ZC3H12C: variants seen among roughly 807,000 people sequenced by gnomAD.
ZC3H12C encodes probable ribonuclease ZC3H12C.
In ZC3H12C, 20 loss-of-function variants were observed where a neutral mutation model predicts 76.3. The observed-to-expected ratio is 0.26, with a 90% CI of 0.18 to 0.38. The LOEUF is 0.38. Ranked by LOEUF, ZC3H12C falls within the 10% of genes least tolerant of loss-of-function variation. The pLI is 1.00. For synonymous variants in ZC3H12C, 352 were observed against 399.6 expected (o/e 0.88, Z 1.42); for missense variants, 874 against 1,086.5 (o/e 0.80, Z 2.75).
At position 110,165,636 on chromosome 11, in the gene ZC3H12C, C is replaced by A. The variant is rs553171095; in HGVS notation, c.2551C>A (p.Pro851Thr). 2 of 1,599,274 alleles carry A rather than the reference C, an allele frequency of 1.3e-6. No homozygotes were observed. The highest frequency in any genetic ancestry group is 1.7e-6 in the Non-Finnish European group (2 of 1,172,626). The change falls in exon 6 of 6, where the codon CCT (proline) becomes ACT (threonine). Residue 851 changes from proline (P) to threonine (T), a missense_variant. Physicochemically the swap from Pro to Thr is conservative, Grantham distance 38 (BLOSUM62 -1). This residue lies in a region of ZC3H12C where 395 missense variants were observed against 434.4 expected (regional missense o/e 0.91). Coordinates refer to ENST00000278590, the MANE Select transcript of ZC3H12C (RefSeq NM_033390.2). ...TATCAATTTGTGCAACATCTTCCCC[C>A]CTGACCTTGTGAGAATTGTCATGAA... Reference protein sequence around the residue: ...IYINLCNIFPPDLVRIVMKRN... With the variant: ...IYINLCNIFPTDLVRIVMKRN...
intron 2 of ZC3H12C, among the ~76,000 whole-genome samples, chr11:110,152,138 T>C (rs917998693): frequency 6.6e-6 from 1 of 152,210 alleles, no homozygotes; most frequent in Admixed American, 6.5e-5. Context: ...GGTATCATTT[T>C]TGAATTATTA....
At position 110,105,997 on chromosome 11, in the gene ZC3H12C, G is replaced by A. The variant is rs952372783; in HGVS notation, c.21+12565G>A. On this transcript the variant is annotated intron_variant, in intron 1 of 5. Coordinates refer to ENST00000278590, the MANE Select transcript of ZC3H12C (RefSeq NM_033390.2). ...TAGAAAAGTTATACCAGCCGGGCGC[G>A]GTGGCTCACGCCTGTAATCCCAGCA... Among the ~76,000 whole-genome samples the A allele has an allele frequency of 2.4e-3, 34 of 14,062 alleles. 15 individuals carry two copies. Among genetic ancestry groups the A allele is most frequent in the Non-Finnish European group, 4.6e-3 (29 of 6,306 alleles). The allele number at this position is 14,062 out of a possible 152,430, so 9.2% of individuals were successfully genotyped here.
chr11:110,130,039 G>A (rs980088980), intron 1 of ZC3H12C, among the ~76,000 whole-genome samples: 1 of 152,052 alleles, frequency 6.6e-6, no homozygotes, highest in Non-Finnish European at 1.5e-5. Flanking sequence ...TGAAATTTGA[G>A]TATTACATCT....
At chr11:110,132,592 C>T (rs1358293251) in intron 1 of ZC3H12C, among the ~76,000 whole-genome samples, 1 of 152,072 alleles carries the variant, frequency 6.6e-6, no homozygotes, top group Non-Finnish European at 1.5e-5. Flanking sequence ...TATATATTTG[C>T]CCAGTTCCTT....
intron 1 of ZC3H12C, among the ~76,000 whole-genome samples, chr11:110,103,336 A>G (rs1392392041): frequency 6.6e-6 from 1 of 152,230 alleles, no homozygotes; most frequent in Non-Finnish European, 1.5e-5. Context: ...AGAGCAAAAC[A>G]TTTTAACTAT....
At chr11:110,105,699 A>G (rs570353610) in intron 1 of ZC3H12C, among the ~76,000 whole-genome samples, 1 of 152,244 alleles carries the variant, frequency 6.6e-6, no homozygotes, top group African/African-American at 2.4e-5. Context: ...CTTTTTTAAA[A>G]GTGTATGCAT....
intron 1 of ZC3H12C, among the ~76,000 whole-genome samples, chr11:110,122,545 A>G (rs1861669807): frequency 6.6e-6 from 1 of 152,188 alleles, no homozygotes; most frequent in African/African-American, 2.4e-5. Context: ...AATGGTCCCC[A>G]ATTGATGGTT....
chr11:110,160,666 A>G (rs938579131), intron 4 of ZC3H12C, among the ~76,000 whole-genome samples: 1 of 152,192 alleles, frequency 6.6e-6, no homozygotes, highest in African/African-American at 2.4e-5. Context: ...TGGAGCTGTC[A>G]TCTCCTATGG....
intron 1 of ZC3H12C, among the ~76,000 whole-genome samples, chr11:110,126,218 T>TC (rs796195334): frequency 0.23 from 1,246 of 5,526 alleles, 5 homozygotes; most frequent in African/African-American, 0.36. Flanking sequence ...GTTTTCTTCT[T>TC]TTTTTTTTTT....
chr11:110,128,774 GT>G (rs1052599490), intron 1 of ZC3H12C, among the ~76,000 whole-genome samples: 10 of 149,410 alleles, frequency 6.7e-5, no homozygotes, highest in African/African-American at 2.5e-4. Flanking sequence ...ATCAATCTCA[GT>G]TTTACCAGAA....
rs952910241 is a variant in ZC3H12C, at chr11:110,167,773, G to T, written c.*2036G>T. The stretch of plus-strand genomic sequence containing the variant: ...CAATTATTGCTGTTGTGTTTGAAAT[G>T]AGTGTGGCACTCATCTGTATCCAGA... On this transcript the variant is annotated 3_prime_UTR_variant, in exon 6 of 6. Coordinates refer to ENST00000278590, the MANE Select transcript of ZC3H12C (RefSeq NM_033390.2). 1.3e-5 allele frequency: 2 copies of T among 152,136 alleles called. No individual in the cohort carries two copies. Among genetic ancestry groups the T allele is most frequent in the African/African-American group, 2.4e-5 (1 of 41,436 alleles). The allele number at this position is 152,136 out of a possible 1,614,324, so 9.4% of individuals were successfully genotyped here. A position where few individuals can be genotyped will look rare whatever the true frequency, so the allele number is the denominator to read the frequency against.
At chr11:110,131,360 A>G in intron 1 of ZC3H12C, 1 of 439,826 alleles carries the variant, frequency 2.3e-6, no homozygotes, top group Non-Finnish European at 4.0e-6. Flanking sequence ...GGCATGGCGT[A>G]TAATCATTTG....
intron 1 of ZC3H12C, among the ~76,000 whole-genome samples, chr11:110,100,228 TGATACAGGGTCTCTC>T (rs1861188621): frequency 6.6e-6 from 1 of 151,082 alleles, no homozygotes; most frequent in African/African-American, 2.4e-5. Context: ...TTTTTTTTTT[TGATACAGGGTCTCTC>T]TATGTTGCCC....
chr11:110,159,520 A>T (rs778107110), intron 4 of ZC3H12C, 30 bp downstream of exon 4: 65 of 1,509,186 alleles, frequency 4.3e-5, no homozygotes, highest in Non-Finnish European at 5.2e-5. Flanking sequence ...TGCCAATGAT[A>T]CTGCTTCTGT....
chr11:110,154,722 G>A (rs1231895916), intron 3 of ZC3H12C, among the ~76,000 whole-genome samples: 1 of 148,916 alleles, frequency 6.7e-6, no homozygotes, highest in Non-Finnish European at 1.5e-5. Flanking sequence ...CAAAATTAAA[G>A]CTCCTGCATT....
chr11:110,109,009 ATAT>A (rs1378266069), intron 1 of ZC3H12C, among the ~76,000 whole-genome samples: 1 of 152,236 alleles, frequency 6.6e-6, no homozygotes, highest in Non-Finnish European at 1.5e-5. Flanking sequence ...TGGTTAATGT[ATAT>A]TATTATAATT....
At position 110,153,017 on chromosome 11, in the gene ZC3H12C, C is replaced by T. The variant is rs776100564; in HGVS notation, c.872C>T (p.Ala291Val). 1.2e-6 allele frequency: 2 copies of T among 1,611,876 alleles called. No homozygotes were observed. Among genetic ancestry groups the T allele is most frequent in the Admixed American group, 1.7e-5 (1 of 59,762 alleles). Residue 291 changes from alanine (A) to valine (V), a missense_variant, in exon 3 of 6, where the codon GCT (alanine) becomes GTT (valine). Physicochemically the swap from Ala to Val is moderately conservative, Grantham distance 64. This residue lies in a region of ZC3H12C where 269 missense variants were observed against 424.9 expected (regional missense o/e 0.63). Transcript: ENST00000278590. ...AAAGACATTACAGTTTTTGTTCCTG[C>T]TTGGAGGAAAGAGCAATCCCGACCT... ...GHKDITVFVP[A>V]WRKEQSRPDA...
intron 3 of ZC3H12C, among the ~76,000 whole-genome samples, chr11:110,153,553 CT>C (rs5794670): frequency 0.89 from 133,690 of 149,836 alleles, 60,956 homozygotes; most frequent in Non-Finnish European, 0.98. Flanking sequence ...CATAAGCCAG[CT>C]TTTTTTTTTT....
intron 1 of ZC3H12C, among the ~76,000 whole-genome samples, chr11:110,118,033 TATATATATACACATATATATTA>T (rs1861585988): frequency 2.1e-5 from 1 of 46,632 alleles, no homozygotes; most frequent in African/African-American, 5.7e-5. Flanking sequence ...ATATATATTA[TATATATATACACATATATATTA>T]TATATATACA....
Sources: gnomAD v4.1 joint callset for allele counts (sites outside exome capture counted in the v4.1 genomes callset) on GRCh38, gnomAD v4.1.1 for gene constraint, gnomAD v4.1.1 regional missense constraint, MANE v1.5 for transcripts, NCBI Gene and HGNC (gene_info 2026-07-23, HGNC 2026-07-21) for gene names.